Variants in CEP55 observed in about 807,000 individuals in gnomAD.
CEP55 encodes centrosomal protein 55, also known as centrosomal protein of 55 kDa.
CEP55 carries 57 observed loss-of-function variants against 63.2 expected under a neutral mutation model. That is an observed-to-expected ratio of 0.90 (90% CI 0.73 to 1.13). The LOEUF (loss-of-function observed/expected upper bound fraction) is 1.13. Among genes scored for constraint, CEP55 ranks in the 50% most tolerant of loss-of-function variants. The pLI is 0.00. For synonymous variants in CEP55, 178 were observed against 191.6 expected (o/e 0.93, Z 0.59); for missense variants, 456 against 518.9 (o/e 0.88, Z 1.18).
intron 5 of CEP55, 28 bp downstream of exon 5, chr10:93,515,583 A>G (rs1182260775): frequency 3.2e-6 from 5 of 1,564,788 alleles, no homozygotes; most frequent in Admixed American, 3.6e-5. Flanking sequence ...AATGTTCTCT[A>G]GGGATAGGCC....
intron 3 of CEP55, among the ~76,000 whole-genome samples, chr10:93,504,750 T>G (rs10509660): frequency 0.24 from 35,871 of 152,082 alleles, 4,362 homozygotes; most frequent in Middle Eastern, 0.29. Context: ...AGTTCAAGAG[T>G]TAGTTTCTCC....
rs58492851 is a variant in CEP55, at chr10:93,497,983, G to A, written c.-13+1060G>A. Among the ~76,000 whole-genome samples, 4 of 152,094 alleles carry A rather than the reference G, an allele frequency of 2.6e-5. 1 individual carries two copies. In the South Asian group the frequency reaches 8.3e-4, roughly 32 times the overall value. ...ATAGATAAAAAAAAATTAGCCAGGC[G>A]TGGTGACGCGCACCTGTAGTCCCAG... On this transcript the variant is annotated intron_variant, in intron 1 of 8. Transcript: ENST00000371485.
At chr10:93,500,308 T>A in intron 2 of CEP55, 74 bp downstream of exon 2, 4 of 1,218,662 alleles carry the variant, frequency 3.3e-6, no homozygotes, top group Non-Finnish European at 4.7e-6. Flanking sequence ...TGATGCTACC[T>A]TCTTACTCTT....
chr10:93,519,913 T>A, intron 8 of CEP55, 106 bp downstream of exon 8: 1 of 1,245,110 alleles, frequency 8.0e-7, no homozygotes, highest in Non-Finnish European at 1.2e-6. Context: ...TAGCTGTATC[T>A]CAAATCAGTA....
Position 93,515,337 on chromosome 10 carries a change from C to G in CEP55, c.529-68C>G, listed in dbSNP as rs111540933. Reference sequence around the variant, plus strand: ...GTTGGAAAAGACTACATCACTTGGACTCTCTTGCCCATTTTAAGATTTTGT... The same window carrying G: ...GTTGGAAAAGACTACATCACTTGGAGTCTCTTGCCCATTTTAAGATTTTGT... On this transcript the variant is annotated intron_variant, in intron 4 of 8. Transcript: ENST00000371485. 16 of 1,422,094 alleles carry G rather than the reference C, an allele frequency of 1.1e-5. No homozygotes were observed. In the African/African-American group the frequency reaches 1.4e-4, roughly 13 times the overall value. The allele number at this position is 1,422,094 out of a possible 1,614,324, so 88.1% of individuals were successfully genotyped here. A position where few individuals can be genotyped will look rare whatever the true frequency, so the allele number is the denominator to read the frequency against.
chr10:93,499,058 A>G (rs1012105415), intron 1 of CEP55, among the ~76,000 whole-genome samples: 7 of 152,150 alleles, frequency 4.6e-5, no homozygotes, highest in Non-Finnish European at 1.0e-4. Flanking sequence ...GCTAAAGTTT[A>G]TATTATATAC....
chr10:93,524,355 C>T (rs1404310159), intron 8 of CEP55, among the ~76,000 whole-genome samples: 2 of 152,074 alleles, frequency 1.3e-5, no homozygotes, highest in Non-Finnish European at 2.9e-5. Flanking sequence ...TGGATAAATT[C>T]CTCGACACAT....
Position 93,511,250 on chromosome 10 carries a change from T to A in CEP55, c.529-4155T>A, listed in dbSNP as rs114504134. Among the ~76,000 whole-genome samples, 1,457 of 152,162 alleles carry A rather than the reference T, an allele frequency of 9.6e-3. 26 individuals carry two copies. Among genetic ancestry groups the A allele is most frequent in the African/African-American group, 0.033 (1,385 of 41,488 alleles). On this transcript the variant is annotated intron_variant, in intron 4 of 8. Transcript: ENST00000371485. ...CACCATGCCCGGACTCCACAGGACA[T>A]GTTATTTTGCCCACTTTTGTTCTAC...
intron 2 of CEP55, among the ~76,000 whole-genome samples, chr10:93,502,473 T>G (rs1406000973): frequency 6.6e-6 from 1 of 152,244 alleles, no homozygotes; most frequent in Non-Finnish European, 1.5e-5. Flanking sequence ...CCTGTTAGCC[T>G]ATAATTTTAA....
intron 4 of CEP55, among the ~76,000 whole-genome samples, chr10:93,510,841 A>G (rs1185209190): frequency 6.6e-6 from 1 of 152,136 alleles, no homozygotes; most frequent in Non-Finnish European, 1.5e-5. Context: ...AGTATAGGCT[A>G]ACATTTTAAT....
Position 93,515,412 on chromosome 10 carries a change from AG to A in CEP55, c.537del (p.Asn181IlefsTer15). The A allele has an allele frequency of 6.3e-7, 1 of 1,588,972 alleles. No homozygotes were observed. The highest frequency in any genetic ancestry group is 8.6e-7 in the Non-Finnish European group (1 of 1,161,896). On this transcript the variant is annotated frameshift_variant, in exon 5 of 9. Coordinates refer to ENST00000371485, the MANE Select transcript of CEP55 (RefSeq NM_018131.5). LOFTEE classifies it high-confidence loss of function. ...TTTCATCTTCCCATTAAGGCTCTGG[AG>A]AAAAATCAGCAGTGGCTCGTGTATG... ...EMEIQLKDAL[E>X]KNQQWLVYDQ...
At chr10:93,503,688 T>G (rs2057657764) in intron 3 of CEP55, among the ~76,000 whole-genome samples, 1 of 152,170 alleles carries the variant, frequency 6.6e-6, no homozygotes, top group African/African-American at 2.4e-5. Flanking sequence ...ATTTCTATAG[T>G]TTGTATCATG....
chr10:93,512,964 A>G (rs10736075), intron 4 of CEP55, among the ~76,000 whole-genome samples: 91,554 of 152,108 alleles, frequency 0.6, 28,314 homozygotes, highest in Non-Finnish European at 0.65. Context: ...CACAAAAGTT[A>G]AAAGAAAATA....
chr10:93,504,472 C>CAAA lies in CEP55; in HGVS notation c.459+1095_459+1097dup, dbSNP rs113435584. On this transcript the variant is annotated intron_variant, in intron 3 of 8. Coordinates refer to ENST00000371485, the MANE Select transcript of CEP55 (RefSeq NM_018131.5). Reference sequence around the variant, plus strand: ...TGGGTGACAGAGTGAGCCTCTGTCTCAAAAAAAAAAAAATCATCTATAGTA... The same window carrying CAAA: ...TGGGTGACAGAGTGAGCCTCTGTCTCAAAAAAAAAAAAAAAATCATCTATAGTA... 1.8e-3 allele frequency among the ~76,000 whole-genome samples: 269 copies of CAAA among 146,134 alleles called. 3 individuals carry two copies. In the East Asian group the frequency reaches 0.021, roughly 11 times the overall value.
chr10:93,514,872 A>G (rs2057787398), intron 4 of CEP55, among the ~76,000 whole-genome samples: 1 of 152,192 alleles, frequency 6.6e-6, no homozygotes, highest in African/African-American at 2.4e-5. Context: ...TCCCGGGTTC[A>G]AGTGATTCTC....
In CEP55 at chr10:93,528,370, G is replaced by A; in HGVS notation, c.*217G>A. Reference sequence around the variant, plus strand: ...GGTTCATCATCAGGCTGCAATGACAGAATGTGGTGAGCAGCGTCTACTGAG... The same window carrying A: ...GGTTCATCATCAGGCTGCAATGACAAAATGTGGTGAGCAGCGTCTACTGAG... On this transcript the variant is annotated 3_prime_UTR_variant, in exon 9 of 9. Transcript: ENST00000371485. 3.5e-6 allele frequency: 2 copies of A among 571,080 alleles called. No individual in the cohort carries two copies. The highest frequency in any genetic ancestry group is 2.1e-5 in the South Asian group (1 of 47,894). The allele number at this position is 571,080 out of a possible 1,614,324, so 35.4% of individuals were successfully genotyped here. A position where few individuals can be genotyped will look rare whatever the true frequency, so the allele number is the denominator to read the frequency against.
At chr10:93,497,641 C>T (rs578192311) in intron 1 of CEP55, among the ~76,000 whole-genome samples, 1 of 147,006 alleles carries the variant, frequency 6.8e-6, no homozygotes, top group Admixed American at 7.0e-5. Flanking sequence ...AATCAAAGTG[C>T]AGTCCTTGAA....
chr10:93,527,635 G>T (rs2057937500), intron 8 of CEP55, among the ~76,000 whole-genome samples: 1 of 152,162 alleles, frequency 6.6e-6, no homozygotes, highest in Non-Finnish European at 1.5e-5. Flanking sequence ...GGAGGCTGAG[G>T]TGGGCAGATC....
At chr10:93,507,422 A>T (rs527935381) in intron 4 of CEP55, among the ~76,000 whole-genome samples, 37 of 151,870 alleles carry the variant, frequency 2.4e-4, no homozygotes, top group African/African-American at 8.2e-4. Flanking sequence ...GGGTTTCACC[A>T]TGTTGGCCAG....
Sources: gnomAD v4.1 joint callset for allele counts (sites outside exome capture counted in the v4.1 genomes callset) on GRCh38, gnomAD v4.1.1 for gene constraint, MANE v1.5 for transcripts, NCBI Gene and HGNC (gene_info 2026-07-23, HGNC 2026-07-21) for gene names.